Variants in SYNRG observed in about 807,000 individuals in gnomAD.
SYNRG encodes AP1 gamma subunit binding protein 1.
A neutral mutation model predicts 130.9 loss-of-function variants in SYNRG; 37 were observed. The observed-to-expected ratio is 0.28, with a 90% confidence interval of 0.22 to 0.37. SYNRG has a LOEUF of 0.37. SYNRG is among the 10% of genes least tolerant of loss of function. The probability of loss-of-function intolerance (pLI) is 1.00; values close to 1 mark genes in which losing one functional copy is unlikely to be tolerated. For missense variants in SYNRG, 1,338 were observed against 1,588.9 expected, an observed-to-expected ratio of 0.84 and a Z score of 2.68; for synonymous variants, 539 against 568.1, an observed-to-expected ratio of 0.95 and a Z score of 0.73.
chr17:37,564,481 T>C (rs1294452259), intron 11 of SYNRG, among the ~76,000 whole-genome samples: 1 of 152,266 alleles, frequency 6.6e-6, no homozygotes, highest in Non-Finnish European at 1.5e-5. Context: ...ATTGTGCCAC[T>C]TCTTACTCAT....
chr17:37,542,295 G>C lies in SYNRG; in HGVS notation c.2879C>G (p.Thr960Ser). ...FVSEDALPET[T>S]FPALASFKDT... ...TTTAAAACTGGCAAGAGCTGGGAAGGTGGTCTCTGGAAGAGCATCTTCACT... is the reference window on the plus strand; with the variant it reads ...TTTAAAACTGGCAAGAGCTGGGAAGCTGGTCTCTGGAAGAGCATCTTCACT... The change falls in exon 15 of 22, where the codon ACC becomes AGC. Residue 960 changes from threonine to serine, a missense_variant. By Grantham distance (58) the Thr-to-Ser change is moderately conservative. Around this residue, in one of 3 missense-constraint regions of SYNRG, gnomAD observed 1,146 missense variants for 1,342.3 expected, o/e 0.85. Transcript: ENST00000612223. 1 of 1,614,222 alleles carries C rather than the reference G, an allele frequency of 6.2e-7. No homozygotes were observed. Among genetic ancestry groups the C allele is most frequent in the Non-Finnish European group, 8.5e-7 (1 of 1,180,050 alleles).
intron 19 of SYNRG, among the ~76,000 whole-genome samples, chr17:37,524,417 T>A (rs1484786126): frequency 2.6e-5 from 4 of 152,246 alleles, no homozygotes; most frequent in Non-Finnish European, 5.9e-5. Flanking sequence ...AAATCTTTCT[T>A]AAACACATTT....
chr17:37,535,570 G>T (rs570963242), intron 19 of SYNRG, among the ~76,000 whole-genome samples: 21 of 152,070 alleles, frequency 1.4e-4, no homozygotes, highest in Admixed American at 5.9e-4. Context: ...AATGACCCAA[G>T]AACCTAAAAA....
At chr17:37,545,729 A>C (rs1032499243) in intron 14 of SYNRG, among the ~76,000 whole-genome samples, 3 of 152,240 alleles carry the variant, frequency 2.0e-5, no homozygotes, top group African/African-American at 7.2e-5. Flanking sequence ...AGCAAATGAA[A>C]GACTTAGAAA....
intron 3 of SYNRG, among the ~76,000 whole-genome samples, chr17:37,591,855 AG>A (rs1418970623): frequency 1.1e-4 from 16 of 152,200 alleles, no homozygotes; most frequent in Middle Eastern, 3.2e-3. Flanking sequence ...TAAAACTTTT[AG>A]AAAAAAATAG....
At chr17:37,519,125 A>C (rs774775665) in intron 21 of SYNRG, 54 bp from the exon 22 acceptor site, 171 of 1,590,176 alleles carry the variant, frequency 1.1e-4, no homozygotes, top group Non-Finnish European at 1.4e-4. Context: ...TGCATCTCAG[A>C]GCTTTTCAGC....
In SYNRG at chr17:37,540,477, A is replaced by G. The variant is rs780341753; in HGVS notation, c.3269T>C (p.Leu1090Ser). 30 of 1,613,916 alleles carry G rather than the reference A, an allele frequency of 1.9e-5. No homozygotes were observed. The highest frequency in any genetic ancestry group is 6.7e-5 in the African/African-American group (5 of 74,858). The change falls in exon 16 of 22, where the codon TTG (leucine) becomes TCG (serine). Residue 1090 changes from leucine (L) to serine (S), a missense_variant. Coordinates refer to ENST00000612223, the MANE Select transcript of SYNRG (RefSeq NM_007247.6). The stretch of plus-strand genomic sequence containing the variant: ...GGAACGGTCTCTGAAAGGCTGCTCC[A>G]AAGCTGGAGAAGGAGAAGAACGGCT... ...EISRSSPSPA[L>S]EQPFRDRSNT...
chr17:37,558,053 A>G (rs1202778898), intron 13 of SYNRG, among the ~76,000 whole-genome samples: 2 of 152,224 alleles, frequency 1.3e-5, no homozygotes, highest in Non-Finnish European at 2.9e-5. Context: ...CTAGGTGTAA[A>G]TAAAAACCTA....
chr17:37,526,851 A>C (rs1485330619), intron 19 of SYNRG, among the ~76,000 whole-genome samples: 1 of 152,182 alleles, frequency 6.6e-6, no homozygotes, highest in Non-Finnish European at 1.5e-5. Flanking sequence ...CCTTTAACTT[A>C]ATCCCATTTG....
chr17:37,542,018 T>C lies in SYNRG; in HGVS notation c.3156A>G (p.Glu1052=). 1 of 1,614,226 alleles carries C rather than the reference T, an allele frequency of 6.2e-7. No individual in the cohort carries two copies. The highest frequency in any genetic ancestry group is 8.5e-7 in the Non-Finnish European group (1 of 1,180,034). Residue 1052 remains glutamate, a synonymous_variant, in exon 15 of 22, where the codon GAA becomes GAG. Transcript: ENST00000612223. ...ATSQSKMKSS[E]EMIKSELATF... ...TTGCCAGCTCACTTTTGATCATTTC[T>C]TCACTGGATTTCATTTTGCTTTGTG...
chr17:37,582,565 A>C (rs546034692), intron 6 of SYNRG, among the ~76,000 whole-genome samples: 1 of 152,286 alleles, frequency 6.6e-6, no homozygotes, highest in East Asian at 1.9e-4. Flanking sequence ...AAGAAGTATA[A>C]AAGTTAAATG....
chr17:37,587,491 G>GT (rs1158089621), intron 3 of SYNRG, among the ~76,000 whole-genome samples: 1 of 152,148 alleles, frequency 6.6e-6, no homozygotes, highest in East Asian at 1.9e-4. Context: ...TATATTTCCT[G>GT]TAAGTGGGGA....
At chr17:37,552,601 C>T (rs942971253) in intron 14 of SYNRG, among the ~76,000 whole-genome samples, 1 of 152,184 alleles carries the variant, frequency 6.6e-6, no homozygotes, top group Admixed American at 6.5e-5. Flanking sequence ...CCCTCTTCTT[C>T]TCTTAAAAGG....
intron 1 of SYNRG, 71 bp downstream of exon 1, chr17:37,609,208 C>A: frequency 7.4e-7 from 1 of 1,357,970 alleles, no homozygotes; most frequent in South Asian, 1.7e-5. Flanking sequence ...GAGAAAACTG[C>A]CATAACTGCC....
intron 5 of SYNRG, 115 bp from the exon 6 acceptor site, chr17:37,584,874 C>A: frequency 1.4e-6 from 1 of 733,966 alleles, no homozygotes; most frequent in Non-Finnish European, 2.2e-6. Flanking sequence ...TTACCACATA[C>A]TTCTGATAAT....
At chr17:37,565,184 A>C (rs902024105) in intron 11 of SYNRG, among the ~76,000 whole-genome samples, 5 of 152,160 alleles carry the variant, frequency 3.3e-5, no homozygotes, top group African/African-American at 1.2e-4. Flanking sequence ...GAATCACTTG[A>C]ACCTGGGAGG....
chr17:37,558,654 A>G (rs1245982413), intron 13 of SYNRG, among the ~76,000 whole-genome samples: 2 of 152,182 alleles, frequency 1.3e-5, no homozygotes, highest in East Asian at 3.8e-4. Flanking sequence ...AATTATAGCC[A>G]ATCTTGAAAA....
chr17:37,598,416 G>A (rs528895498), intron 2 of SYNRG, among the ~76,000 whole-genome samples: 50 of 152,304 alleles, frequency 3.3e-4, no homozygotes, highest in African/African-American at 1.2e-3. Context: ...TACACAGATT[G>A]AAAATAGCCA....
chr17:37,515,957 C>A lies in SYNRG; in HGVS notation c.*2983G>T, dbSNP rs373859737. 1 of 152,150 alleles carries A rather than the reference C, an allele frequency of 6.6e-6. No individual in the cohort carries two copies. Among genetic ancestry groups the A allele is most frequent in the Admixed American group, 6.6e-5 (1 of 15,260 alleles). The allele number at this position is 152,150 out of a possible 1,614,324, so 9.4% of individuals were successfully genotyped here. ...TATTCAAATAATTAAAAATTCACAACCCCTATGGAATGCTAACTAGTAGCC... is the reference window on the plus strand; with the variant it reads ...TATTCAAATAATTAAAAATTCACAAACCCTATGGAATGCTAACTAGTAGCC... On this transcript the variant is annotated 3_prime_UTR_variant, in exon 22 of 22. Transcript: ENST00000612223.
Sources: allele counts gnomAD v4.1 joint callset (sites outside exome capture counted in the v4.1 genomes callset), GRCh38; gene constraint gnomAD v4.1.1; regional missense constraint gnomAD v4.1.1; transcripts MANE v1.5; gene names NCBI Gene and HGNC (gene_info 2026-07-23, HGNC 2026-07-21).